The following ICA1L variants were observed in gnomAD, a reference collection of about 807,000 sequenced individuals.
The protein encoded by ICA1L is islet cell autoantigen 1 like.
Under a neutral mutation model 61.3 loss-of-function variants are expected in ICA1L, and 50 were observed. The ratio of observed to expected loss-of-function variants is 0.82; its 90% CI spans 0.65 to 1.03. The LOEUF (loss-of-function observed/expected upper bound fraction) is 1.03, where lower values mean the gene tolerates loss of function less well. Among genes scored for constraint, ICA1L ranks in the 50% least tolerant of loss-of-function variants. ICA1L has a pLI of 0.00. For synonymous variants in ICA1L, 161 were observed against 191.3 expected (o/e 0.84, Z 1.31); for missense variants, 508 against 556.7 (o/e 0.91, Z 0.88).
In ICA1L at chr2:202,778,847, A is replaced by ATTATCCTGCTACTTCC. The variant is rs1449882806; in HGVS notation, c.*670_*685dup. 6.6e-6 allele frequency: 1 copy of ATTATCCTGCTACTTCC among 152,626 alleles called. No homozygotes were observed. The highest frequency in any genetic ancestry group is 2.4e-5 in the African/African-American group (1 of 41,456). 9.5% of individuals were successfully genotyped at this position (152,626 alleles called of 1,614,324 possible). ...TGCAGAGGATGGGCTTAGCAAATTA[A>ATTATCCTGCTACTTCC]TTATCCTGCTACTTCCCCTTCAAGA... On this transcript the variant is annotated 3_prime_UTR_variant, in exon 13 of 13. Coordinates refer to ENST00000358299, the MANE Select transcript of ICA1L (RefSeq NM_001288622.3).
At chr2:202,795,251 A>G (rs906254667) in intron 10 of ICA1L, among the ~76,000 whole-genome samples, 1 of 152,026 alleles carries the variant, frequency 6.6e-6, no homozygotes, top group African/African-American at 2.4e-5. Context: ...TTGGCCTCCC[A>G]AAGTGCTGGG....
chr2:202,818,840 T>G (rs1693616751), intron 5 of ICA1L, among the ~76,000 whole-genome samples: 1 of 152,240 alleles, frequency 6.6e-6, no homozygotes, highest in African/African-American at 2.4e-5. Context: ...ATCAGCAGCA[T>G]GAAAATAGAC....
intron 10 of ICA1L, among the ~76,000 whole-genome samples, chr2:202,790,946 A>G (rs1364654642): frequency 4.6e-5 from 7 of 152,232 alleles, no homozygotes; most frequent in Non-Finnish European, 7.3e-5. Context: ...GATGGTTCCT[A>G]ATCCCTTTCC....
chr2:202,782,990 T>C (rs557759193), intron 12 of ICA1L, among the ~76,000 whole-genome samples: 2 of 152,290 alleles, frequency 1.3e-5, no homozygotes, highest in African/African-American at 4.8e-5. Flanking sequence ...TGTGATTTGC[T>C]TGGAATTGAG....
intron 9 of ICA1L, 67 bp downstream of exon 9, chr2:202,811,679 A>T: frequency 2.0e-6 from 2 of 979,598 alleles, no homozygotes; most frequent in Non-Finnish European, 3.1e-6. Context: ...AAAAAAAAAA[A>T]GGCTGTGATA....
intron 5 of ICA1L, among the ~76,000 whole-genome samples, chr2:202,817,916 A>G (rs938646568): frequency 6.6e-6 from 1 of 152,254 alleles, no homozygotes; most frequent in Non-Finnish European, 1.5e-5. Flanking sequence ...ACTGAGAAAC[A>G]TTAATAATAT....
At chr2:202,791,216 A>G (rs764135352) in intron 10 of ICA1L, among the ~76,000 whole-genome samples, 3 of 152,212 alleles carry the variant, frequency 2.0e-5, no homozygotes, top group Non-Finnish European at 4.4e-5. Context: ...GTGTGGAACA[A>G]TTTATGCTCC....
intron 9 of ICA1L, among the ~76,000 whole-genome samples, chr2:202,800,092 A>G (rs1693048475): frequency 6.6e-6 from 1 of 152,048 alleles, no homozygotes; most frequent in Non-Finnish European, 1.5e-5. Context: ...CATGTTGGCC[A>G]GGATGGTCTC....
intron 7 of ICA1L, 84 bp downstream of exon 7, chr2:202,815,827 T>G (rs1693516568): frequency 2.6e-6 from 2 of 780,492 alleles, no homozygotes; most frequent in South Asian, 2.5e-5. Flanking sequence ...AAATTAACCT[T>G]GGTTAAAAAA....
At chr2:202,856,629 A>C (rs909321229) in intron 1 of ICA1L, among the ~76,000 whole-genome samples, 1 of 152,218 alleles carries the variant, frequency 6.6e-6, no homozygotes, top group Non-Finnish European at 1.5e-5. Context: ...AGTTCTGGCC[A>C]GGGCAATCAG....
Position 202,789,049 on chromosome 2 carries a change from C to T in ICA1L, c.1024G>A (p.Asp342Asn). The T allele has an allele frequency of 1.2e-6, 2 of 1,612,766 alleles. No individual in the cohort carries two copies. The highest frequency in any genetic ancestry group is 1.7e-6 in the Non-Finnish European group (2 of 1,179,134). Reference protein sequence around the residue: ...DLPVDSLEGEDFEKEFSFLNN... With the variant: ...DLPVDSLEGENFEKEFSFLNN... ...AGAAATGAGAATTCCTTCTCAAAAT[C>T]TTCTCCTTCCAATGAATCTACAGGT... The change falls in exon 11 of 13, where the codon GAT becomes AAT. Residue 342 changes from aspartate to asparagine, a missense_variant. Asp to Asn is a conservative substitution (Grantham distance 23). Coordinates refer to ENST00000358299, the MANE Select transcript of ICA1L (RefSeq NM_001288622.3).
At chr2:202,861,231 T>C (rs1694901304) in intron 1 of ICA1L, among the ~76,000 whole-genome samples, 1 of 148,304 alleles carries the variant, frequency 6.7e-6, no homozygotes, top group African/African-American at 2.5e-5. Context: ...CATTTCAAAA[T>C]AAAAAAATAA....
chr2:202,773,718 CA>C lies in ICA1L; in HGVS notation c.*5814del. 8.8e-7 allele frequency: 1 copy of C among 1,138,158 alleles called. No homozygotes were observed. The allele number at this position is 1,138,158 out of a possible 1,614,324, so 70.5% of individuals were successfully genotyped here. A position where few individuals can be genotyped will look rare whatever the true frequency, so the allele number is the denominator to read the frequency against. ...ATATACAGCATATTGACTCTAGTTG[CA>C]TCAGTTATGCATGAAGAGTTTAATA... On this transcript the variant is annotated 3_prime_UTR_variant, in exon 13 of 13. Transcript: ENST00000358299.
At chr2:202,837,397 C>T (rs1239792187) in intron 1 of ICA1L, among the ~76,000 whole-genome samples, 1 of 151,922 alleles carries the variant, frequency 6.6e-6, no homozygotes, top group Non-Finnish European at 1.5e-5. Context: ...CATTCTCCTG[C>T]CTCAGCCTCC....
chr2:202,841,160 C>G (rs1455907564), intron 1 of ICA1L: 13 of 657,974 alleles, frequency 2.0e-5, no homozygotes, highest in African/African-American at 5.3e-5. Flanking sequence ...CTAGCTCTAC[C>G]TTGTTCATAT....
At chr2:202,794,283 T>C (rs1692848578) in intron 10 of ICA1L, among the ~76,000 whole-genome samples, 1 of 150,012 alleles carries the variant, frequency 6.7e-6, no homozygotes, top group East Asian at 1.9e-4. Flanking sequence ...GAGGCAGAGG[T>C]TGCAGTGAGC....
intron 10 of ICA1L, among the ~76,000 whole-genome samples, chr2:202,794,707 G>T (rs1692870107): frequency 6.6e-6 from 1 of 151,752 alleles, no homozygotes. Flanking sequence ...AATGACCAAT[G>T]AAAATATATA....
intron 9 of ICA1L, among the ~76,000 whole-genome samples, chr2:202,804,605 C>T (rs559571180): frequency 1.6e-4 from 24 of 152,250 alleles, no homozygotes; most frequent in African/African-American, 5.8e-4. Flanking sequence ...ACACATTTCT[C>T]AACACGTAAA....
intron 9 of ICA1L, among the ~76,000 whole-genome samples, chr2:202,800,444 A>G (rs1217094459): frequency 2.0e-5 from 3 of 152,212 alleles, no homozygotes; most frequent in South Asian, 4.1e-4. Flanking sequence ...TTGAGCCTAT[A>G]TATCAAGACA....
Sources: gnomAD v4.1 joint callset for allele counts (sites outside exome capture counted in the v4.1 genomes callset) on GRCh38, gnomAD v4.1.1 for gene constraint, MANE v1.5 for transcripts, NCBI Gene and HGNC (gene_info 2026-07-23, HGNC 2026-07-21) for gene names.